The following HOXD1 variants were observed in gnomAD, a reference collection of about 807,000 sequenced individuals.
HOXD1 encodes the protein homeobox protein Hox-D1.
In HOXD1, 17 loss-of-function variants were observed where a neutral mutation model predicts 19.9. The observed-to-expected ratio is 0.85, with a 90% CI of 0.58 to 1.28. The LOEUF is 1.28. HOXD1 is among the 50% of genes most tolerant of loss of function. HOXD1 has a pLI of 0.00. For missense variants in HOXD1, 500 were observed against 460.1 expected (o/e 1.09, Z -0.79); for synonymous variants, 239 against 216.0 (o/e 1.11, Z -0.93).
Position 176,189,081 on chromosome 2 carries a change from G to T in HOXD1, c.280G>T (p.Gly94Cys). ...CACCCTGGAGGGGGCCTACGAACCT[G>T]GTGCCGCACCTGCCGCGGCAGCTGG... The part of the protein sequence containing the change: ...QCTLEGAYEP[G>C]AAPAAAAGGA... Residue 94 changes from glycine (G) to cysteine (C), a missense_variant, in exon 1 of 2, where the codon GGT becomes TGT. Physicochemically the swap from Gly to Cys is radical, Grantham distance 159. Transcript: ENST00000331462. 9.4e-6 allele frequency: 14 copies of T among 1,497,056 alleles called. No individual in the cohort carries two copies. Among genetic ancestry groups the T allele is most frequent in the Non-Finnish European group, 1.2e-5 (14 of 1,131,988 alleles). 92.7% of individuals were successfully genotyped at this position (1,497,056 alleles called of 1,614,324 possible).
chr2:176,189,543 T>G, intron 1 of HOXD1, 90 bp downstream of exon 1: 1 of 1,604,676 alleles, frequency 6.2e-7, no homozygotes, highest in South Asian at 1.1e-5. Flanking sequence ...GTCGCTGCCT[T>G]TCCAGACAGC....
At position 176,190,790 on chromosome 2, in the gene HOXD1, G is replaced by A. The variant is rs572267424; in HGVS notation, c.*648G>A. 7 of 152,682 alleles carry A rather than the reference G, an allele frequency of 4.6e-5. No individual in the cohort carries two copies. The South Asian group carries it at 8.3e-4, about 18-fold the overall frequency. The allele number at this position is 152,682 out of a possible 1,614,324, so 9.5% of individuals were successfully genotyped here. On this transcript the variant is annotated 3_prime_UTR_variant, in exon 2 of 2. Transcript: ENST00000331462. ...TGACAAATATTATTCAAACTTGAAT[G>A]TAAATATATACAGTATGTATATTTT...
rs767764673 is a variant in HOXD1, at chr2:176,188,726, G to T, written c.-76G>T. The T allele has an allele frequency of 6.8e-7, 1 of 1,461,642 alleles. No individual in the cohort carries two copies. Among genetic ancestry groups the T allele is most frequent in the South Asian group, 1.2e-5 (1 of 83,058 alleles). 90.5% of individuals were successfully genotyped at this position (1,461,642 alleles called of 1,614,324 possible). A position where few individuals can be genotyped will look rare whatever the true frequency, so the allele number is the denominator to read the frequency against. On this transcript the variant is annotated 5_prime_UTR_variant, in exon 1 of 2. Transcript: ENST00000331462. ...GGGCTGGCGGAGCGGCGCAGACGGC[G>T]GCAGTCCTGCTCAGCCTCTGCCCGG...
At chr2:176,189,677 T>C in intron 1 of HOXD1, 131 bp from the exon 2 acceptor site, 2 of 1,598,860 alleles carry the variant, frequency 1.3e-6, no homozygotes, top group Non-Finnish European at 1.7e-6. Flanking sequence ...GTGGAACTTC[T>C]CCTGGTACAA....
intron 1 of HOXD1, 151 bp downstream of exon 1, chr2:176,189,604 T>C (rs1575004685): frequency 6.4e-7 from 1 of 1,565,390 alleles, no homozygotes; most frequent in South Asian, 1.2e-5. Context: ...CCATGGAGTC[T>C]GCCTCGAGTA....
chr2:176,188,997 C>T lies in HOXD1; in HGVS notation c.196C>T (p.Pro66Ser), dbSNP rs1449602736. 2.8e-6 allele frequency: 4 copies of T among 1,427,132 alleles called. No individual in the cohort carries two copies. The highest frequency in any genetic ancestry group is 3.6e-6 in the Non-Finnish European group (4 of 1,103,838). The allele number at this position is 1,427,132 out of a possible 1,614,324, so 88.4% of individuals were successfully genotyped here. A position where few individuals can be genotyped will look rare whatever the true frequency, so the allele number is the denominator to read the frequency against. ...LAAARPSPSP[P>S]AAPARPSVPP... ...CGCCGCCCGACCCTCGCCTTCGCCC[C>T]CGGCCGCCCCCGCGCGGCCGTCCGT... The change falls in exon 1 of 2, where the codon CCG (proline) becomes TCG (serine). Residue 66 changes from proline (P) to serine (S), a missense_variant. Transcript: ENST00000331462.
rs1691720156 is a variant in HOXD1 at position 176,188,778 on chromosome 2, C to A, written c.-24C>A. 1.2e-6 allele frequency: 2 copies of A among 1,604,108 alleles called. No homozygotes were observed. The highest frequency in any genetic ancestry group is 1.7e-6 in the Non-Finnish European group (2 of 1,176,292). ...TCCGTACTCCGGCCCCGGCCTGCGCCCTCAGAAAGGTGGGGCCCGAACCAT... is the reference window on the plus strand; with the variant it reads ...TCCGTACTCCGGCCCCGGCCTGCGCACTCAGAAAGGTGGGGCCCGAACCAT... On this transcript the variant is annotated 5_prime_UTR_variant, in exon 1 of 2. Coordinates refer to ENST00000331462, the MANE Select transcript of HOXD1 (RefSeq NM_024501.3).
At position 176,189,039 on chromosome 2, in the gene HOXD1, CCCCAGT is replaced by C; in HGVS notation, c.239_244del (p.Pro80_Tyr82delinsHis). ...GCCGTCCGTACCGCCTCCGGCCGCGCCCCAGTACGCGCAGTGCACCCTGGAGGGGGC... is the reference window on the plus strand; with the variant it reads ...GCCGTCCGTACCGCCTCCGGCCGCGCACGCGCAGTGCACCCTGGAGGGGGC... On this transcript the variant is annotated inframe_deletion, in exon 1 of 2. Coordinates refer to ENST00000331462, the MANE Select transcript of HOXD1 (RefSeq NM_024501.3). The C allele has an allele frequency of 7.0e-7, 1 of 1,419,442 alleles. No homozygotes were observed. Among genetic ancestry groups the C allele is most frequent in the Non-Finnish European group, 9.1e-7 (1 of 1,101,876 alleles). The allele number at this position is 1,419,442 out of a possible 1,614,324, so 87.9% of individuals were successfully genotyped here.
Position 176,189,417 on chromosome 2 carries a change from G to T in HOXD1, c.616G>T (p.Glu206Ter). 1 of 1,612,970 alleles carries T rather than the reference G, an allele frequency of 6.2e-7. No individual in the cohort carries two copies. Among genetic ancestry groups the T allele is most frequent in the Non-Finnish European group, 8.5e-7 (1 of 1,179,876 alleles). Residue 206 changes from glutamate to a stop codon, truncating the protein, a stop_gained, in exon 1 of 2, where the codon GAG becomes TAG. Transcript: ENST00000331462. LOFTEE classifies it high-confidence loss of function. ...CCTCCCTGCCGCCTTCAGCACGTTC[G>T]AGTGGATGAAAGTGAAGAGGAATGC... ...SGLPAAFSTFEWMKVKRNASK... is the reference protein window; with the variant it reads ...SGLPAAFSTF
At position 176,190,531 on chromosome 2, in the gene HOXD1, A is replaced by G. The variant is rs1691773659; in HGVS notation, c.*389A>G. 1 of 186,460 alleles carries G rather than the reference A, an allele frequency of 5.4e-6. No homozygotes were observed. Among genetic ancestry groups the G allele is most frequent in the African/African-American group, 2.3e-5 (1 of 42,680 alleles). The allele number at this position is 186,460 out of a possible 1,614,324, so 11.6% of individuals were successfully genotyped here. The stretch of plus-strand genomic sequence containing the variant: ...ACCTGCCCAAAGTTTTTCTGGTTTT[A>G]ATTTAAAGGACAAGGCTACATATAT... On this transcript the variant is annotated 3_prime_UTR_variant, in exon 2 of 2. Coordinates refer to ENST00000331462, the MANE Select transcript of HOXD1 (RefSeq NM_024501.3).
At position 176,189,417 on chromosome 2, in the gene HOXD1, G is replaced by C; in HGVS notation, c.616G>C (p.Glu206Gln). 6.2e-7 allele frequency: 1 copy of C among 1,612,970 alleles called. No individual in the cohort carries two copies. Among genetic ancestry groups the C allele is most frequent in the Non-Finnish European group, 8.5e-7 (1 of 1,179,876 alleles). ...SGLPAAFSTF[E>Q]WMKVKRNASK... ...CCTCCCTGCCGCCTTCAGCACGTTCGAGTGGATGAAAGTGAAGAGGAATGC... is the reference window on the plus strand; with the variant it reads ...CCTCCCTGCCGCCTTCAGCACGTTCCAGTGGATGAAAGTGAAGAGGAATGC... The change falls in exon 1 of 2, where the codon GAG becomes CAG. Residue 206 changes from glutamate to glutamine, a missense_variant. Glu to Gln is a conservative substitution (Grantham distance 29). Transcript: ENST00000331462.
intron 1 of HOXD1, 116 bp downstream of exon 1, chr2:176,189,569 G>C: frequency 1.3e-6 from 2 of 1,584,306 alleles, no homozygotes; most frequent in South Asian, 1.1e-5. Context: ...GGGTTTTGTG[G>C]AGGAGACGCG....
At chr2:176,189,490 TG>T in intron 1 of HOXD1, 37 bp downstream of exon 1, 1 of 1,612,354 alleles carries the variant, frequency 6.2e-7, no homozygotes, top group Non-Finnish European at 8.5e-7. Context: ...CACCTGGGGT[TG>T]GGGACGGAGC....
Position 176,189,866 on chromosome 2 carries a change from C to T in HOXD1, c.711C>T (p.Ser237=). 1 of 1,614,232 alleles carries T rather than the reference C, an allele frequency of 6.2e-7. No individual in the cohort carries two copies. Among genetic ancestry groups the T allele is most frequent in the East Asian group, 2.2e-5 (1 of 44,874 alleles). Residue 237 remains serine (S), a synonymous_variant, in exon 2 of 2, where the codon AGC becomes AGT. Coordinates refer to ENST00000331462, the MANE Select transcript of HOXD1 (RefSeq NM_024501.3). ...SPSSAIRTNF[S]TKQLTELEKE... Reference sequence around the variant, plus strand: ...CCAGCGCGATCCGCACGAATTTCAGCACCAAGCAACTGACAGAACTGGAAA... The same window carrying T: ...CCAGCGCGATCCGCACGAATTTCAGTACCAAGCAACTGACAGAACTGGAAA...
Position 176,188,995 on chromosome 2 carries a change from C to T in HOXD1, c.194C>T (p.Pro65Leu), listed in dbSNP as rs967750497. 44 of 1,427,052 alleles carry T rather than the reference C, an allele frequency of 3.1e-5. No individual in the cohort carries two copies. The highest frequency in any genetic ancestry group is 4.0e-5 in the Non-Finnish European group (44 of 1,103,812). The allele number at this position is 1,427,052 out of a possible 1,614,324, so 88.4% of individuals were successfully genotyped here. Residue 65 changes from proline to leucine, a missense_variant, in exon 1 of 2, where the codon CCC becomes CTC. Physicochemically the swap from Pro to Leu is moderately conservative, Grantham distance 98 (BLOSUM62 -3). Transcript: ENST00000331462. The stretch of plus-strand genomic sequence containing the variant: ...GCCGCCGCCCGACCCTCGCCTTCGC[C>T]CCCGGCCGCCCCCGCGCGGCCGTCC... ...PLAAARPSPS[P>L]PAAPARPSVP... is the part of the protein sequence containing the mutation.
chr2:176,189,148 A>G lies in HOXD1; in HGVS notation c.347A>G (p.Asp116Gly). The change falls in exon 1 of 2, where the codon GAC becomes GGC. Residue 116 changes from aspartate (D) to glycine (G), a missense_variant. Physicochemically the swap from Asp to Gly is moderately conservative, Grantham distance 94. Coordinates refer to ENST00000331462, the MANE Select transcript of HOXD1 (RefSeq NM_024501.3). The stretch of plus-strand genomic sequence containing the variant: ...TTCCTGGGGTCCGGGCCGGCGTACG[A>G]CTTCCCGGGCGTGCTGGGGCGGGCG... The part of the protein sequence containing the change: ...YGFLGSGPAY[D>G]FPGVLGRAAD... The G allele has an allele frequency of 6.3e-7, 1 of 1,588,150 alleles. No homozygotes were observed. Among genetic ancestry groups the G allele is most frequent in the Non-Finnish European group, 8.5e-7 (1 of 1,171,202 alleles).
intron 1 of HOXD1, 135 bp downstream of exon 1, chr2:176,189,588 C>A: frequency 6.4e-7 from 1 of 1,570,734 alleles, no homozygotes. Flanking sequence ...CGTTCCCGGG[C>A]GAATTCCATG....
At position 176,189,944 on chromosome 2, in the gene HOXD1, C is replaced by T; in HGVS notation, c.789C>T (p.Ala263=). 1 of 1,614,096 alleles carries T rather than the reference C, an allele frequency of 6.2e-7. No homozygotes were observed. ...YLTRARRIEI[A]NCLHLNDTQV... is the part of the protein sequence containing the mutation. ...CTCGAGCCCGGCGCATCGAGATAGC[C>T]AACTGCTTGCACCTGAATGACACGC... The change falls in exon 2 of 2, where the codon GCC becomes GCT. Residue 263 remains alanine, a synonymous_variant. Transcript: ENST00000331462.
At chr2:176,189,582 C>T in intron 1 of HOXD1, 129 bp downstream of exon 1, 1 of 1,573,810 alleles carries the variant, frequency 6.4e-7, no homozygotes, top group Non-Finnish European at 8.6e-7. Flanking sequence ...GAGACGCGTT[C>T]CCGGGCGAAT....
Sources: allele counts gnomAD v4.1 joint callset, GRCh38; gene constraint gnomAD v4.1.1; transcripts MANE v1.5; gene names NCBI Gene and HGNC (gene_info 2026-07-23, HGNC 2026-07-21).